The following POC1A variants were observed in gnomAD, a reference collection of about 807,000 sequenced individuals.
POC1A encodes the protein POC1 centriolar protein homolog A.
Under a neutral mutation model 47.8 loss-of-function variants are expected in POC1A, and 34 were observed. That is an observed-to-expected ratio of 0.71 (90% CI 0.54 to 0.95). POC1A has a LOEUF of 0.95. Ranked by LOEUF, POC1A falls within the 40% of genes least tolerant of loss-of-function variation. POC1A has a pLI of 0.00. For synonymous variants in POC1A, 177 were observed against 207.6 expected (o/e 0.85, Z 1.27); for missense variants, 466 against 528.3 (o/e 0.88, Z 1.16).
At chr3:52,118,360 T>A (rs1279609029) in intron 9 of POC1A, among the ~76,000 whole-genome samples, 1 of 152,192 alleles carries the variant, frequency 6.6e-6, no homozygotes, top group African/African-American at 2.4e-5. Flanking sequence ...TTATTCTCAT[T>A]CTGAATGGCT....
chr3:52,151,927 C>T (rs1223002237), intron 1 of POC1A, among the ~76,000 whole-genome samples: 1 of 151,266 alleles, frequency 6.6e-6, no homozygotes, highest in Non-Finnish European at 1.5e-5. Flanking sequence ...AACAAACAAA[C>T]GAACAAACAA....
chr3:52,129,742 T>C (rs1243460878), intron 7 of POC1A, among the ~76,000 whole-genome samples: 1 of 152,188 alleles, frequency 6.6e-6, no homozygotes, highest in Non-Finnish European at 1.5e-5. Context: ...TAACCAGTCA[T>C]GAACCCAGAC....
chr3:52,133,002 C>G (rs1007964855), intron 7 of POC1A, among the ~76,000 whole-genome samples: 1 of 151,454 alleles, frequency 6.6e-6, no homozygotes, highest in African/African-American at 2.4e-5. Flanking sequence ...GCCGAGTTCA[C>G]GCCACTGCAC....
intron 9 of POC1A, among the ~76,000 whole-genome samples, chr3:52,110,924 G>A (rs867588726): frequency 1.7e-4 from 26 of 152,340 alleles, no homozygotes; most frequent in Middle Eastern, 3.4e-3. Context: ...TGGAACTCTC[G>A]AAAGAGATAA....
At chr3:52,121,640 G>A (rs1459672705) in intron 9 of POC1A, among the ~76,000 whole-genome samples, 1 of 152,096 alleles carries the variant, frequency 6.6e-6, no homozygotes, top group East Asian at 1.9e-4. Context: ...CTGTTGTTTG[G>A]GCCAGTATCC....
chr3:52,103,449 G>A (rs996712011), intron 9 of POC1A, among the ~76,000 whole-genome samples: 3 of 152,176 alleles, frequency 2.0e-5, no homozygotes, highest in African/African-American at 4.8e-5. Flanking sequence ...TCGCTTGAAC[G>A]TGGGAGGCAG....
At chr3:52,076,039 T>C (rs1702104366) in intron 10 of POC1A, 54 bp from the exon 11 acceptor site, 5 of 1,416,318 alleles carry the variant, frequency 3.5e-6, no homozygotes, top group Non-Finnish European at 5.0e-6. Context: ...CAGGCTGCTC[T>C]AGGGACCCCC....
intron 8 of POC1A, among the ~76,000 whole-genome samples, chr3:52,123,782 C>T (rs1011808589): frequency 2.0e-5 from 3 of 152,208 alleles, no homozygotes; most frequent in African/African-American, 7.2e-5. Context: ...GAGCTGATGG[C>T]AGCGCTGCTG....
intron 6 of POC1A, among the ~76,000 whole-genome samples, chr3:52,140,086 T>C (rs1698139211): frequency 6.6e-6 from 1 of 152,150 alleles, no homozygotes; most frequent in African/African-American, 2.4e-5. Flanking sequence ...TAAGAACCAC[T>C]ACTGGGTTGG....
chr3:52,117,328 G>C (rs1427748318), intron 9 of POC1A, among the ~76,000 whole-genome samples: 1 of 152,190 alleles, frequency 6.6e-6, no homozygotes, highest in Non-Finnish European at 1.5e-5. Flanking sequence ...AGTTCAGCCT[G>C]GGTGACAGAG....
At chr3:52,095,486 A>C (rs1368304562) in intron 10 of POC1A, among the ~76,000 whole-genome samples, 2 of 152,142 alleles carry the variant, frequency 1.3e-5, no homozygotes, top group Non-Finnish European at 2.9e-5. Context: ...TGCGTCCTTC[A>C]TGTGAGCTGG....
At position 52,080,275 on chromosome 3, in the gene POC1A, C is replaced by T. The variant is rs571865487; in HGVS notation, c.1126-4290G>A. ...GGGTAGTGTGCATCTTGGCTCTGTC[C>T]CCATCAAGAATGCCAAAGGAGAGGC... On this transcript the variant is annotated intron_variant, in intron 10 of 10. Transcript: ENST00000296484. 1.6e-4 allele frequency among the ~76,000 whole-genome samples: 25 copies of T among 152,252 alleles called. No homozygotes were observed. The South Asian group carries it at 4.8e-3, about 29-fold the overall frequency.
chr3:52,150,575 C>T (rs1698524061), intron 2 of POC1A, among the ~76,000 whole-genome samples: 2 of 152,122 alleles, frequency 1.3e-5, no homozygotes, highest in Non-Finnish European at 1.5e-5. Flanking sequence ...AGCATAAGAG[C>T]AGTGGGGTCG....
At chr3:52,120,204 T>C (rs1703724710) in intron 9 of POC1A, among the ~76,000 whole-genome samples, 4 of 152,222 alleles carry the variant, frequency 2.6e-5, no homozygotes, top group Admixed American at 2.6e-4. Flanking sequence ...ATATATTTAA[T>C]GCCACCAAAT....
intron 2 of POC1A, among the ~76,000 whole-genome samples, chr3:52,150,708 C>T (rs906788135): frequency 6.6e-6 from 1 of 152,138 alleles, no homozygotes; most frequent in Non-Finnish European, 1.5e-5. Context: ...CTGTTTAGGG[C>T]CCACACCAAA....
At chr3:52,086,669 G>T (rs1702465307) in intron 10 of POC1A, among the ~76,000 whole-genome samples, 1 of 152,232 alleles carries the variant, frequency 6.6e-6, no homozygotes, top group African/African-American at 2.4e-5. Context: ...TCTGCAGACA[G>T]GGCCTGCAGC....
At chr3:52,143,491 A>G (rs1391277788) in intron 6 of POC1A, among the ~76,000 whole-genome samples, 1 of 152,066 alleles carries the variant, frequency 6.6e-6, no homozygotes, top group Non-Finnish European at 1.5e-5. Context: ...CCATGCTTGG[A>G]GACGGGGTTC....
At chr3:52,154,215 G>A (rs1698649722) in intron 1 of POC1A, 140 bp downstream of exon 1, 16 of 868,494 alleles carry the variant, frequency 1.8e-5, no homozygotes, top group Non-Finnish European at 2.6e-5. Flanking sequence ...CCCCTGCGCA[G>A]ACAGTAAACT....
intron 1 of POC1A, among the ~76,000 whole-genome samples, chr3:52,151,610 C>CA (rs575884047): frequency 0.022 from 1,210 of 54,926 alleles, 23 homozygotes; most frequent in African/African-American, 0.049. Context: ...GACTCCGTCT[C>CA]AAAAAAAAAA....
Sources: gnomAD v4.1 joint callset for allele counts (sites outside exome capture counted in the v4.1 genomes callset) on GRCh38, gnomAD v4.1.1 for gene constraint, MANE v1.5 for transcripts, NCBI Gene and HGNC (gene_info 2026-07-23, HGNC 2026-07-21) for gene names.